TUB: variants seen among roughly 807,000 people sequenced by gnomAD.
TUB encodes TUB bipartite transcription factor.
A neutral mutation model predicts 59.7 loss-of-function variants in TUB; 33 were observed. That is an observed-to-expected ratio of 0.55 (90% CI 0.42 to 0.74). TUB has a LOEUF of 0.74. Among genes scored for constraint, TUB ranks in the 30% least tolerant of loss-of-function variants. TUB has a pLI of 0.00. For missense variants in TUB, 659 were observed against 672.0 expected (o/e 0.98, Z 0.21); for synonymous variants, 293 against 256.4 (o/e 1.14, Z -1.36).
At chr11:8,072,729 C>T (rs190933715) in intron 2 of TUB, among the ~76,000 whole-genome samples, 35 of 152,296 alleles carry the variant, frequency 2.3e-4, no homozygotes, top group Admixed American at 3.3e-4. Flanking sequence ...GAAACTGAGG[C>T]GAGCCTGGGG....
chr11:8,097,316 C>T lies in TUB; in HGVS notation c.776C>T (p.Ala259Val), dbSNP rs1370373387. 9.3e-6 allele frequency: 15 copies of T among 1,614,006 alleles called. No homozygotes were observed. The East Asian group carries it at 1.6e-4, about 17-fold the overall frequency. The change falls in exon 7 of 12, where the codon GCC becomes GTC. Residue 259 changes from alanine to valine, a missense_variant. Coordinates refer to ENST00000299506, the MANE Select transcript of TUB (RefSeq NM_177972.3). ...QDLEEFALRP[A>V]PQGITIKCRI... ...CTTGAGGAGTTTGCACTGAGGCCGG[C>T]CCCCCAGGGTATCACCATCAAATGC...
At chr11:8,086,140 C>T (rs146111259) in intron 1 of TUB, among the ~76,000 whole-genome samples, 61 of 152,302 alleles carry the variant, frequency 4.0e-4, no homozygotes, top group Non-Finnish European at 7.2e-4. Context: ...CCATCAGCGC[C>T]CTGTCTCTTG....
chr11:8,031,919 G>A (rs957261621), intron 1 of TUB, among the ~76,000 whole-genome samples: 5 of 152,306 alleles, frequency 3.3e-5, no homozygotes, highest in Middle Eastern at 3.4e-3. Flanking sequence ...TTCGCCTTCC[G>A]CGGGGTGTCA....
chr11:8,043,710 T>G (rs1942788025), intron 2 of TUB, among the ~76,000 whole-genome samples: 1 of 152,224 alleles, frequency 6.6e-6, no homozygotes, highest in South Asian at 2.1e-4. Flanking sequence ...GCTTTCTTAA[T>G]GCAAGTGTAT....
Position 8,081,281 on chromosome 11 carries a change from C to T in TUB, c.-230C>T, listed in dbSNP as rs1943555646. On this transcript the variant is annotated 5_prime_UTR_variant, in exon 1 of 12. Coordinates refer to ENST00000299506, the MANE Select transcript of TUB (RefSeq NM_177972.3). The stretch of plus-strand genomic sequence containing the variant: ...TCCCCGCCTCCACGCGCGCGCACGA[C>T]CCGCGCACTCCCGGAGCTTCGCCCA... 4 of 782,962 alleles carry T rather than the reference C, an allele frequency of 5.1e-6. No homozygotes were observed. The highest frequency in any genetic ancestry group is 5.7e-5 in the South Asian group (1 of 17,500). The allele number at this position is 782,962 out of a possible 1,614,324, so 48.5% of individuals were successfully genotyped here.
intron 2 of TUB, among the ~76,000 whole-genome samples, chr11:8,064,592 CT>C (rs1564907898): frequency 6.6e-6 from 1 of 152,116 alleles, no homozygotes; most frequent in Non-Finnish European, 1.5e-5. Context: ...GAAAAGGAGA[CT>C]GTTAGGGAAC....
chr11:8,096,576 T>TGG (rs1944002709), intron 5 of TUB, 109 bp from the exon 6 acceptor site: 1 of 760,772 alleles, frequency 1.3e-6, no homozygotes, highest in African/African-American at 1.7e-5. Flanking sequence ...CATAAGTTTG[T>TGG]GGGGGTACAG....
rs145083935 is a variant in TUB, at chr11:8,083,500, A to G, written c.38+1952A>G. Among the ~76,000 whole-genome samples the G allele has an allele frequency of 6.9e-3, 1,050 of 152,236 alleles. 34 individuals are homozygous for G. The highest frequency in any genetic ancestry group is 0.056 in the Admixed American group (854 of 15,294). Reference sequence around the variant, plus strand: ...TGGGAAAGGTGGCCCAGGAAGGTAGAACTGTCTCTAGGAAATGATCCTGTT... The same window carrying G: ...TGGGAAAGGTGGCCCAGGAAGGTAGGACTGTCTCTAGGAAATGATCCTGTT... On this transcript the variant is annotated intron_variant, in intron 1 of 11. Transcript: ENST00000299506.
In TUB at chr11:8,021,915, CAA is replaced by C. The variant is rs5789558; in HGVS notation, c.56+2573_56+2574del. Among the ~76,000 whole-genome samples the C allele has an allele frequency of 6.6e-3, 773 of 116,932 alleles. 7 individuals carry two copies. The highest frequency in any genetic ancestry group is 0.018 in the African/African-American group (551 of 31,440). The allele number at this position is 116,932 out of a possible 152,430, so 76.7% of individuals were successfully genotyped here. A position where few individuals can be genotyped will look rare whatever the true frequency, so the allele number is the denominator to read the frequency against. On this transcript the variant is annotated intron_variant, in intron 1 of 11. Transcript: ENST00000534099. ...TGGGCAACAGAGCGAGACTCCAGCT[CAA>C]AAAAAAAAAAAAAAAGAAAATTATT...
At chr11:8,045,851 C>G (rs1942821807) in intron 2 of TUB, among the ~76,000 whole-genome samples, 1 of 152,132 alleles carries the variant, frequency 6.6e-6, no homozygotes, top group Non-Finnish European at 1.5e-5. Flanking sequence ...CTTCTGAGGA[C>G]CCTCCCTGAT....
intron 2 of TUB, among the ~76,000 whole-genome samples, chr11:8,055,419 C>A (rs2091800343): frequency 6.6e-6 from 1 of 152,242 alleles, no homozygotes; most frequent in African/African-American, 2.4e-5. Flanking sequence ...TGGCCTGAGG[C>A]TGCTCTTAGA....
chr11:8,072,403 C>A (rs563472655), intron 2 of TUB, among the ~76,000 whole-genome samples: 1 of 152,224 alleles, frequency 6.6e-6, no homozygotes, highest in East Asian at 1.9e-4. Context: ...GCGGCGGAGG[C>A]CCCATGCCAC....
At position 8,092,478 on chromosome 11, in the gene TUB, A is replaced by G. The variant is rs188338628; in HGVS notation, c.254-1568A>G. ...CGCTTGTGACTGGGGCAAGCCATTT[A>G]CCCTCTCTGGATCTGTTTCCTCCAT... On this transcript the variant is annotated intron_variant, in intron 3 of 11. Coordinates refer to ENST00000299506, the MANE Select transcript of TUB (RefSeq NM_177972.3). Among the ~76,000 whole-genome samples the G allele has an allele frequency of 6.9e-3, 1,047 of 151,956 alleles. 9 individuals are homozygous for G. The highest frequency in any genetic ancestry group is 0.024 in the African/African-American group (1,009 of 41,408).
chr11:8,091,462 T>C (rs999599247), intron 3 of TUB, among the ~76,000 whole-genome samples: 5 of 152,210 alleles, frequency 3.3e-5, no homozygotes, highest in Admixed American at 3.3e-4. Flanking sequence ...AGGAACTCAT[T>C]ATCCTCACAT....
chr11:8,041,383 T>C (rs1942747813), intron 2 of TUB, among the ~76,000 whole-genome samples: 1 of 152,162 alleles, frequency 6.6e-6, no homozygotes, highest in East Asian at 1.9e-4. Context: ...TCTTTGGAAT[T>C]GAGGGCTGAC....
upstream of TUB, among the ~76,000 whole-genome samples, chr11:8,081,032 C>T (rs967271341): frequency 6.6e-6 from 1 of 152,162 alleles, no homozygotes; most frequent in Non-Finnish European, 1.5e-5. Flanking sequence ...GGCTGCAGCG[C>T]CGCCGTTAGC....
At chr11:8,097,581 C>A in intron 7 of TUB, 133 bp from the exon 8 acceptor site, 1 of 1,324,546 alleles carries the variant, frequency 7.5e-7, no homozygotes, top group Non-Finnish European at 1.1e-6. Flanking sequence ...TTGTGTTTTC[C>A]AGTGCATTTG....
chr11:8,033,394 TTC>T (rs1325048712), intron 1 of TUB, among the ~76,000 whole-genome samples: 5 of 152,182 alleles, frequency 3.3e-5, no homozygotes, highest in African/African-American at 1.2e-4. Context: ...CTCCGGGAGT[TTC>T]TGACACTTGC....
chr11:8,071,126 T>C (rs1326878032), intron 2 of TUB, among the ~76,000 whole-genome samples: 2 of 152,118 alleles, frequency 1.3e-5, no homozygotes, highest in Non-Finnish European at 2.9e-5. Flanking sequence ...ACCTCGACTC[T>C]TTTTCACGGA....
Sources: allele counts gnomAD v4.1 joint callset (sites outside exome capture counted in the v4.1 genomes callset), GRCh38; gene constraint gnomAD v4.1.1; transcripts MANE v1.5; gene names NCBI Gene and HGNC (gene_info 2026-07-23, HGNC 2026-07-21).